METTL15: variants seen among roughly 807,000 people sequenced by gnomAD.
The protein encoded by METTL15 is methyltransferase 15, mitochondrial 12S rRNA N4-cytidine, also known as 12S rRNA N(4)-cytidine methyltransferase METTL15.
In METTL15, 34 loss-of-function variants were observed where a neutral mutation model predicts 38.3. The ratio of observed to expected loss-of-function variants is 0.89; its 90% CI spans 0.68 to 1.18. The LOEUF is 1.18. METTL15 is among the 50% of genes most tolerant of loss of function. The pLI, the probability that METTL15 is intolerant of heterozygous loss-of-function variation, is 0.00. For synonymous variants in METTL15, 162 were observed against 170.9 expected (o/e 0.95, Z 0.41); for missense variants, 438 against 498.4 (o/e 0.88, Z 1.15).
chr11:28,303,705 C>T (rs1039302241), intron 6 of METTL15, among the ~76,000 whole-genome samples: 2 of 151,968 alleles, frequency 1.3e-5, no homozygotes, highest in Non-Finnish European at 2.9e-5. Context: ...TAAAAGGATA[C>T]GTACATTCCC....
At chr11:28,245,604 C>T (rs966196295) in intron 4 of METTL15, among the ~76,000 whole-genome samples, 1 of 151,968 alleles carries the variant, frequency 6.6e-6, no homozygotes, top group Admixed American at 6.6e-5. Context: ...ATATATATAC[C>T]TTTGGTAAGT....
At position 28,259,255 on chromosome 11, in the gene METTL15, A is replaced by G. The variant is rs76658697; in HGVS notation, c.408-30951A>G. Among the ~76,000 whole-genome samples, 2,064 of 152,066 alleles carry G rather than the reference A, an allele frequency of 0.014. 274 individuals carry two copies. In the East Asian group the frequency reaches 0.32, roughly 24 times the overall value. ...TGGCTACGCTGGTTTCCAAGATGCA[A>G]GACAACGTCTTTCCCATTTGTCCTG... is the stretch of plus-strand genomic sequence containing the variant. On this transcript the variant is annotated intron_variant, in intron 4 of 6. Transcript: ENST00000407364.
intron 6 of METTL15, among the ~76,000 whole-genome samples, chr11:28,317,787 T>C (rs1857532422): frequency 6.6e-6 from 1 of 152,186 alleles, no homozygotes; most frequent in Non-Finnish European, 1.5e-5. Flanking sequence ...TCTCTTACTT[T>C]ATGTGAAATT....
intron 3 of METTL15, among the ~76,000 whole-genome samples, chr11:28,341,930 C>G (rs1849956492): frequency 6.6e-6 from 1 of 152,252 alleles, no homozygotes; most frequent in Admixed American, 6.5e-5. Context: ...CAGGGGTAGA[C>G]TATGATGTAA....
At chr11:28,415,431 T>A (rs929138285) in intron 5 of METTL15, among the ~76,000 whole-genome samples, 1 of 152,210 alleles carries the variant, frequency 6.6e-6, no homozygotes, top group Non-Finnish European at 1.5e-5. Flanking sequence ...AGTTCCAGCA[T>A]TAGAAATGGA....
intron 4 of METTL15, among the ~76,000 whole-genome samples, chr11:28,285,687 A>G (rs1454823107): frequency 6.6e-6 from 1 of 152,142 alleles, no homozygotes; most frequent in Non-Finnish European, 1.5e-5. Flanking sequence ...TGCTTTCTAT[A>G]GTGTTGGCCA....
At chr11:28,499,363 T>A (rs1041733300) in intron 6 of METTL15, among the ~76,000 whole-genome samples, 1 of 152,224 alleles carries the variant, frequency 6.6e-6, no homozygotes, top group Non-Finnish European at 1.5e-5. Context: ...CACTTCACTT[T>A]TTCTCTAAGA....
intron 3 of METTL15, among the ~76,000 whole-genome samples, chr11:28,347,599 A>G (rs928952226): frequency 6.6e-6 from 1 of 152,176 alleles, no homozygotes; most frequent in Non-Finnish European, 1.5e-5. Flanking sequence ...TAATCACTGA[A>G]TTTCTGTGTA....
intron 5 of METTL15, among the ~76,000 whole-genome samples, chr11:28,418,880 C>A (rs1356377768): frequency 6.6e-6 from 1 of 152,154 alleles, no homozygotes; most frequent in Non-Finnish European, 1.5e-5. Context: ...CCAGCCCTAG[C>A]CAGAGGGAAA....
downstream of METTL15, among the ~76,000 whole-genome samples, chr11:28,335,714 C>T (rs1010282678): frequency 5.3e-5 from 8 of 152,058 alleles, no homozygotes; most frequent in Non-Finnish European, 1.2e-4. Context: ...GAGCCTGGTT[C>T]CTCCCTCTTC....
At chr11:28,185,053 T>TA (rs1565150236) in intron 3 of METTL15, among the ~76,000 whole-genome samples, 2 of 151,572 alleles carry the variant, frequency 1.3e-5, no homozygotes, top group Admixed American at 6.6e-5. Flanking sequence ...ATTGCATTTT[T>TA]AAAAATTATA....
chr11:28,419,454 C>T (rs962187768), intron 5 of METTL15, among the ~76,000 whole-genome samples: 20 of 152,166 alleles, frequency 1.3e-4, no homozygotes, highest in African/African-American at 4.3e-4. Flanking sequence ...TATGGTGCCC[C>T]CTAATACAGA....
intron 5 of METTL15, chr11:28,399,038 A>C (rs1237849776): frequency 6.6e-6 from 1 of 152,080 alleles, no homozygotes; most frequent in African/African-American, 2.4e-5. Flanking sequence ...ACACTACCTG[A>C]CTTCAAACTA....
chr11:28,243,749 A>G (rs1248294922), intron 4 of METTL15, among the ~76,000 whole-genome samples: 3 of 152,194 alleles, frequency 2.0e-5, no homozygotes, highest in African/African-American at 7.2e-5. Context: ...AATTCAGTAC[A>G]TATGTTTGAG....
At chr11:28,414,863 G>A (rs1485820640) in intron 5 of METTL15, among the ~76,000 whole-genome samples, 1 of 152,172 alleles carries the variant, frequency 6.6e-6, no homozygotes, top group Non-Finnish European at 1.5e-5. Flanking sequence ...TGCTAGCATA[G>A]ACTGCTATTG....
At chr11:28,292,676 CA>C (rs1856565935) in intron 5 of METTL15, among the ~76,000 whole-genome samples, 1 of 152,164 alleles carries the variant, frequency 6.6e-6, no homozygotes, top group African/African-American at 2.4e-5. Flanking sequence ...GTCCCACCAA[CA>C]GTGTAAAAGT....
intron 3 of METTL15, among the ~76,000 whole-genome samples, chr11:28,133,578 G>C (rs1161411898): frequency 6.6e-6 from 1 of 152,144 alleles, no homozygotes; most frequent in Non-Finnish European, 1.5e-5. Context: ...CAACTTCAAA[G>C]GGGAAGTCAT....
intron 4 of METTL15, among the ~76,000 whole-genome samples, chr11:28,264,884 G>A (rs1310379423): frequency 6.6e-6 from 1 of 152,104 alleles, no homozygotes; most frequent in Admixed American, 6.5e-5. Context: ...TGTAAATGCT[G>A]ACTGTAGAAA....
intron 3 of METTL15, among the ~76,000 whole-genome samples, chr11:28,119,892 T>A (rs1340579173): frequency 6.6e-6 from 1 of 152,216 alleles, no homozygotes; most frequent in African/African-American, 2.4e-5. Context: ...TGACTCCAAA[T>A]TGTTAAAGAG....
Sources: allele counts gnomAD v4.1 joint callset (sites outside exome capture counted in the v4.1 genomes callset), GRCh38; gene constraint gnomAD v4.1.1; transcripts MANE v1.5; gene names NCBI Gene and HGNC (gene_info 2026-07-23, HGNC 2026-07-21).